KCTD7: variants seen among roughly 807,000 people sequenced by gnomAD.
KCTD7 encodes BTB/POZ domain-containing protein KCTD7.
A neutral mutation model predicts 27.0 loss-of-function variants in KCTD7; 15 were observed. The observed-to-expected ratio is 0.56, with a 90% CI of 0.37 to 0.86. The LOEUF (loss-of-function observed/expected upper bound fraction) is 0.86, where lower values mean the gene tolerates loss of function less well. KCTD7 is among the 40% of genes least tolerant of loss of function. KCTD7 has a pLI of 0.00. For missense variants in KCTD7, 299 were observed against 398.9 expected (o/e 0.75, Z 2.13); for synonymous variants, 159 against 162.7 (o/e 0.98, Z 0.17).
chr7:66,635,335 TA>T (rs949975774), intron 2 of KCTD7, among the ~76,000 whole-genome samples: 21 of 152,200 alleles, frequency 1.4e-4, no homozygotes, highest in Admixed American at 1.2e-3. Context: ...CTCTGTGTCT[TA>T]AAAAAGAAAA....
chr7:66,629,473 C>T (rs984110156), intron 1 of KCTD7, among the ~76,000 whole-genome samples: 4 of 152,042 alleles, frequency 2.6e-5, no homozygotes, highest in African/African-American at 9.7e-5. Flanking sequence ...TGATTTACTC[C>T]CATCGCCATG....
intron 3 of KCTD7, 22 bp downstream of exon 3, chr7:66,638,453 T>TG (rs781613111): frequency 6.6e-7 from 1 of 1,510,080 alleles, no homozygotes; most frequent in Non-Finnish European, 9.1e-7. Context: ...CTGCCCAGGA[T>TG]GGTGGGTATG....
At position 66,640,966 on chromosome 7, in the gene KCTD7, G is replaced by A; in HGVS notation, c.*1734G>A. The stretch of plus-strand genomic sequence containing the variant: ...TGAGGAAGAGAAGACCAAGCCCTGG[G>A]ACTTTGGCTGAATTCCTCCGTGGGG... On this transcript the variant is annotated 3_prime_UTR_variant, in exon 4 of 4. Transcript: ENST00000639828. The A allele has an allele frequency of 1.0e-6, 1 of 985,572 alleles. No individual in the cohort carries two copies. The highest frequency in any genetic ancestry group is 1.2e-6 in the Non-Finnish European group (1 of 830,050). The allele number at this position is 985,572 out of a possible 1,614,324, so 61.1% of individuals were successfully genotyped here.
rs146540578 is a variant in KCTD7 at position 66,639,121 on chromosome 7, G to T, written c.759G>T (p.Ser253=). 2.3e-5 allele frequency: 37 copies of T among 1,613,988 alleles called. No homozygotes were observed. The highest frequency in any genetic ancestry group is 3.0e-5 in the Non-Finnish European group (35 of 1,180,034). ...TGCACTGCCTGGTCACGGACCTCTCGGCCCAGGGTCTCACCGTGGACCACC... is the reference window on the plus strand; with the variant it reads ...TGCACTGCCTGGTCACGGACCTCTCTGCCCAGGGTCTCACCGTGGACCACC... ...DLLHCLVTDL[S]AQGLTVDHQC... is the part of the protein sequence containing the mutation. The change falls in exon 4 of 4, where the codon TCG becomes TCT. Residue 253 remains serine, a synonymous_variant. Coordinates refer to ENST00000639828, the MANE Select transcript of KCTD7 (RefSeq NM_153033.5).
Position 66,639,781 on chromosome 7 carries a change from A to T in KCTD7, c.*549A>T. ...TTCTCCTCCAAGAATAGTTGCCCAC[A>T]TTCCCAAAATGTGGAAAGACTTTTC... On this transcript the variant is annotated 3_prime_UTR_variant, in exon 4 of 4. Coordinates refer to ENST00000639828, the MANE Select transcript of KCTD7 (RefSeq NM_153033.5). 8.0e-7 allele frequency: 1 copy of T among 1,250,300 alleles called. No individual in the cohort carries two copies. The highest frequency in any genetic ancestry group is 1.5e-5 in the African/African-American group (1 of 64,864). 77.5% of individuals were successfully genotyped at this position (1,250,300 alleles called of 1,614,324 possible). A position where few individuals can be genotyped will look rare whatever the true frequency, so the allele number is the denominator to read the frequency against.
intron 2 of KCTD7, among the ~76,000 whole-genome samples, chr7:66,634,113 CATATATATAT>C (rs3069693): frequency 1.8e-4 from 24 of 132,260 alleles, no homozygotes; most frequent in Admixed American, 3.0e-4. Context: ...TGTGTGTATA[CATATATATAT>C]ATATATATAT....
chr7:66,634,097 T>C (rs1786518269), intron 2 of KCTD7, among the ~76,000 whole-genome samples: 1 of 135,184 alleles, frequency 7.4e-6, no homozygotes, highest in Non-Finnish European at 1.5e-5. Flanking sequence ...TATATGTATA[T>C]ATGGGTGTGT....
In KCTD7 at chr7:66,641,374, T is replaced by C. The variant is rs1394522634; in HGVS notation, c.*2142T>C. On this transcript the variant is annotated 3_prime_UTR_variant, in exon 4 of 4. Coordinates refer to ENST00000639828, the MANE Select transcript of KCTD7 (RefSeq NM_153033.5). ...GAGCAGTTCATTAAGCCCATTGCTT[T>C]CAGTAATGTGGCCTTGACCCCTTCT... 1 of 985,314 alleles carries C rather than the reference T, an allele frequency of 1.0e-6. No homozygotes were observed. Among genetic ancestry groups the C allele is most frequent in the Non-Finnish European group, 1.2e-6 (1 of 829,948 alleles). 61.0% of individuals were successfully genotyped at this position (985,314 alleles called of 1,614,324 possible). A position where few individuals can be genotyped will look rare whatever the true frequency, so the allele number is the denominator to read the frequency against.
chr7:66,634,608 G>A (rs1312383925), intron 2 of KCTD7, among the ~76,000 whole-genome samples: 1 of 152,146 alleles, frequency 6.6e-6, no homozygotes, highest in African/African-American at 2.4e-5. Flanking sequence ...CACATAGGGG[G>A]ATAGTCTAAA....
Position 66,641,902 on chromosome 7 carries a change from G to C in KCTD7, c.*2670G>C, listed in dbSNP as rs968575664. Reference sequence around the variant, plus strand: ...CCAGGCCCAGAACAGAAGAAGGGTTGGGTCTGGAAGGAAGGCTCCAAAGGA... The same window carrying C: ...CCAGGCCCAGAACAGAAGAAGGGTTCGGTCTGGAAGGAAGGCTCCAAAGGA... On this transcript the variant is annotated 3_prime_UTR_variant, in exon 4 of 4. Coordinates refer to ENST00000639828, the MANE Select transcript of KCTD7 (RefSeq NM_153033.5). 3 of 985,260 alleles carry C rather than the reference G, an allele frequency of 3.0e-6. No homozygotes were observed. The African/African-American group carries it at 5.2e-5, about 17-fold the overall frequency. The allele number at this position is 985,260 out of a possible 1,614,324, so 61.0% of individuals were successfully genotyped here. A position where few individuals can be genotyped will look rare whatever the true frequency, so the allele number is the denominator to read the frequency against.
intron 3 of KCTD7, chr7:66,638,638 CAGA>C: frequency 1.3e-6 from 1 of 769,762 alleles, no homozygotes; most frequent in Non-Finnish European, 2.1e-6. Context: ...AATTGTATTT[CAGA>C]AGGACAGCCC....
chr7:66,633,199 C>A, intron 1 of KCTD7, 76 bp from the exon 2 acceptor site: 2 of 1,475,998 alleles, frequency 1.4e-6, no homozygotes, highest in East Asian at 2.3e-5. Flanking sequence ...CAATCAGACC[C>A]CAGGGATTGA....
chr7:66,640,308 C>G lies in KCTD7; in HGVS notation c.*1076C>G, dbSNP rs1056345438. The G allele has an allele frequency of 1.6e-5, 25 of 1,533,130 alleles. No individual in the cohort carries two copies. Among genetic ancestry groups the G allele is most frequent in the Non-Finnish European group, 2.2e-5 (25 of 1,144,786 alleles). 95.0% of individuals were successfully genotyped at this position (1,533,130 alleles called of 1,614,324 possible). ...CTTCCCTTTTGTTTTACTCCTCACTCCTCTATTTTTGTTTTACTCACTTCT... is the reference window on the plus strand; with the variant it reads ...CTTCCCTTTTGTTTTACTCCTCACTGCTCTATTTTTGTTTTACTCACTTCT... On this transcript the variant is annotated 3_prime_UTR_variant, in exon 4 of 4. Transcript: ENST00000639828.
At chr7:66,643,118 A>G (rs1454809787), downstream of KCTD7, 1 of 984,924 alleles carries the variant, frequency 1.0e-6, no homozygotes, top group African/African-American at 1.8e-5. Context: ...TTGCCAGCAA[A>G]TATTTTTTAT....
chr7:66,637,074 A>C (rs1047122898), intron 2 of KCTD7, among the ~76,000 whole-genome samples: 1 of 152,138 alleles, frequency 6.6e-6, no homozygotes, highest in South Asian at 2.1e-4. Flanking sequence ...GCTTGTGTCC[A>C]CTAAAGGTTT....
intron 2 of KCTD7, 112 bp downstream of exon 2, chr7:66,633,556 G>T (rs932041772): frequency 2.9e-6 from 3 of 1,028,222 alleles, no homozygotes; most frequent in East Asian, 5.1e-5. Context: ...ATAGCATATT[G>T]ATGAAATTTA....
chr7:66,642,222 A>C lies in KCTD7; in HGVS notation c.*2990A>C, dbSNP rs1275493125. On this transcript the variant is annotated 3_prime_UTR_variant, in exon 4 of 4. Coordinates refer to ENST00000639828, the MANE Select transcript of KCTD7 (RefSeq NM_153033.5). ...CCAGGAGAGGAATTCTTAGCGTAAC[A>C]CTCTAAATAAATGGAAGGAATCATC... 3.0e-6 allele frequency: 3 copies of C among 985,206 alleles called. No individual in the cohort carries two copies. The African/African-American group carries it at 5.2e-5, about 17-fold the overall frequency. 61.0% of individuals were successfully genotyped at this position (985,206 alleles called of 1,614,324 possible).
Position 66,642,675 on chromosome 7 carries a change from C to T in KCTD7, c.*3443C>T, listed in dbSNP as rs1013992683. 45 of 985,230 alleles carry T rather than the reference C, an allele frequency of 4.6e-5. No homozygotes were observed. Among genetic ancestry groups the T allele is most frequent in the African/African-American group, 1.6e-4 (9 of 57,202 alleles). The allele number at this position is 985,230 out of a possible 1,614,324, so 61.0% of individuals were successfully genotyped here. A position where few individuals can be genotyped will look rare whatever the true frequency, so the allele number is the denominator to read the frequency against. ...GGGTACTATTTTGCTGGGGCTCTTG[C>T]GTGAAGGTGGTACCTGTCTCATGAT... is the stretch of plus-strand genomic sequence containing the variant. On this transcript the variant is annotated 3_prime_UTR_variant, in exon 4 of 4. Transcript: ENST00000639828.
At chr7:66,634,739 T>C (rs970525388) in intron 2 of KCTD7, among the ~76,000 whole-genome samples, 3 of 126,164 alleles carry the variant, frequency 2.4e-5, no homozygotes, top group African/African-American at 9.7e-5. Context: ...TAAAAAGAGA[T>C]GGAAGACTGA....
Sources: gnomAD v4.1 joint callset for allele counts (sites outside exome capture counted in the v4.1 genomes callset) on GRCh38, gnomAD v4.1.1 for gene constraint, MANE v1.5 for transcripts, NCBI Gene and HGNC (gene_info 2026-07-23, HGNC 2026-07-21) for gene names.